CIT: variants seen among roughly 807,000 people sequenced by gnomAD.
CIT encodes citron rho-interacting serine/threonine kinase.
Under a neutral mutation model 272.7 loss-of-function variants are expected in CIT, and 79 were observed. The ratio of observed to expected loss-of-function variants is 0.29; its 90% CI spans 0.24 to 0.35. The LOEUF is 0.35. CIT is among the 10% of genes least tolerant of loss of function. CIT has a pLI of 1.00. For missense variants in CIT, 1,909 were observed against 2,618.3 expected, an observed-to-expected ratio of 0.73 and a Z score of 5.91; for synonymous variants, 948 against 995.6, an observed-to-expected ratio of 0.95 and a Z score of 0.90.
chr12:119,722,781 T>C (rs1338417986), intron 28 of CIT, among the ~76,000 whole-genome samples: 1 of 152,208 alleles, frequency 6.6e-6, no homozygotes, highest in East Asian at 1.9e-4. Context: ...TGAATGTTTA[T>C]CCTCTCCATC....
At chr12:119,798,368 G>C (rs527860091) in intron 10 of CIT, among the ~76,000 whole-genome samples, 1 of 152,284 alleles carries the variant, frequency 6.6e-6, no homozygotes, top group South Asian at 2.1e-4. Flanking sequence ...TCTCAGCTAA[G>C]CCACTCAAAG....
chr12:119,784,736 C>T lies in CIT; in HGVS notation c.1401+224G>A. 1 of 1,389,646 alleles carries T rather than the reference C, an allele frequency of 7.2e-7. No individual in the cohort carries two copies. Among genetic ancestry groups the T allele is most frequent in the Non-Finnish European group, 9.3e-7 (1 of 1,075,140 alleles). 86.1% of individuals were successfully genotyped at this position (1,389,646 alleles called of 1,614,324 possible). ...ATGCTGAGAAACGGACTGTTTAAATCCAGGGCCTCCTCTGGTTTAGATTTA... is the reference window on the plus strand; with the variant it reads ...ATGCTGAGAAACGGACTGTTTAAATTCAGGGCCTCCTCTGGTTTAGATTTA... On this transcript the variant is annotated intron_variant, in intron 11 of 47. Transcript: ENST00000392521. The surrounding 1 kb of genome is among the most constrained non-coding windows in gnomAD (Gnocchi z 4.7).
intron 10 of CIT, among the ~76,000 whole-genome samples, chr12:119,801,995 A>G (rs1450100045): frequency 6.6e-6 from 1 of 152,172 alleles, no homozygotes; most frequent in African/African-American, 2.4e-5. Context: ...CAAATGCCCA[A>G]TTCCCCACAA....
chr12:119,877,143 TC>T, intron 1 of CIT, 105 bp downstream of exon 1: 1 of 151,826 alleles, frequency 6.6e-6, no homozygotes, highest in Non-Finnish European at 1.5e-5. Context: ...ATCGCCGCCC[TC>T]CCCGGGGCGG....
chr12:119,809,495 A>T (rs992615667), intron 9 of CIT, among the ~76,000 whole-genome samples: 3 of 152,230 alleles, frequency 2.0e-5, no homozygotes, highest in African/African-American at 7.2e-5. Flanking sequence ...TGACTCCCAT[A>T]GTCCTTGTTA....
Position 119,770,704 on chromosome 12 carries a change from G to C in CIT, c.2208+81C>G. ...TGGAGATACCTCCCTTATTGTGGCGGTTAATTCTTCTTCTTACCCCCTTCC... is the reference window on the plus strand; with the variant it reads ...TGGAGATACCTCCCTTATTGTGGCGCTTAATTCTTCTTCTTACCCCCTTCC... On this transcript the variant is annotated intron_variant, in intron 18 of 47. Coordinates refer to ENST00000392521, the MANE Select transcript of CIT (RefSeq NM_001206999.2). This position sits in a 1 kb window ranked among gnomAD's most constrained non-coding sequence, Gnocchi z 4.4. The C allele has an allele frequency of 1.3e-6, 2 of 1,529,682 alleles. No homozygotes were observed. Among genetic ancestry groups the C allele is most frequent in the Admixed American group, 3.5e-5 (2 of 57,784 alleles). The allele number at this position is 1,529,682 out of a possible 1,614,324, so 94.8% of individuals were successfully genotyped here. A position where few individuals can be genotyped will look rare whatever the true frequency, so the allele number is the denominator to read the frequency against.
At chr12:119,714,695 A>T (rs1277685931) in intron 32 of CIT, among the ~76,000 whole-genome samples, 3 of 152,214 alleles carry the variant, frequency 2.0e-5, no homozygotes, top group Non-Finnish European at 4.4e-5. Flanking sequence ...GTTGATGAGG[A>T]TGTGGAGAAA....
intron 6 of CIT, among the ~76,000 whole-genome samples, chr12:119,833,287 GACTA>G (rs1395794047): frequency 1.3e-5 from 2 of 152,116 alleles, no homozygotes; most frequent in Non-Finnish European, 2.9e-5. Context: ...GTGATTCCTG[GACTA>G]ACAATCATTG....
rs1966499428 is a variant in CIT at position 119,804,822 on chromosome 12, G to C, written c.1112-1433C>G. Among the ~76,000 whole-genome samples the C allele has an allele frequency of 6.6e-6, 1 of 152,212 alleles. No individual in the cohort carries two copies. The highest frequency in any genetic ancestry group is 2.4e-5 in the African/African-American group (1 of 41,436). ...ACATTCCCAGAGCTTCAGGTACATT[G>C]AGATGAGGTGGGAGAGTGAGGAAGA... On this transcript the variant is annotated intron_variant, in intron 9 of 47. Coordinates refer to ENST00000392521, the MANE Select transcript of CIT (RefSeq NM_001206999.2). This position sits in a 1 kb window ranked among gnomAD's most constrained non-coding sequence, Gnocchi z 5.3.
At chr12:119,778,802 A>G (rs548193989) in intron 13 of CIT, among the ~76,000 whole-genome samples, 54 of 152,270 alleles carry the variant, frequency 3.5e-4, no homozygotes, top group African/African-American at 1.2e-3. Flanking sequence ...ACCCAAAAGC[A>G]TACTGTTATT....
intron 44 of CIT, among the ~76,000 whole-genome samples, chr12:119,698,911 T>C (rs1956387985): frequency 6.6e-6 from 1 of 152,218 alleles, no homozygotes; most frequent in South Asian, 2.1e-4. Flanking sequence ...TTTCATTGTA[T>C]ACCTTTTAAA....
chr12:119,727,104 T>C (rs1441817811), intron 28 of CIT, among the ~76,000 whole-genome samples: 2 of 152,192 alleles, frequency 1.3e-5, no homozygotes, highest in Non-Finnish European at 2.9e-5. Context: ...TTTAACTCAA[T>C]ATTCATTCAC....
At chr12:119,701,489 G>T in intron 43 of CIT, 135 bp downstream of exon 43, 1 of 960,266 alleles carries the variant, frequency 1.0e-6, no homozygotes, top group Non-Finnish European at 1.5e-6. Context: ...GGACTTGGTG[G>T]TGCTGGAAGG....
At chr12:119,701,019 T>C in intron 43 of CIT, 194 bp from the exon 44 acceptor site, 2 of 345,842 alleles carry the variant, frequency 5.8e-6, no homozygotes, top group Non-Finnish European at 1.0e-5. Flanking sequence ...AAATTTAATT[T>C]ATTTTAATTT....
intron 5 of CIT, among the ~76,000 whole-genome samples, chr12:119,836,284 TAAAAAAAAAAAAAAAAAAAA>T (rs201559880): frequency 2.4e-5 from 1 of 42,262 alleles, no homozygotes; most frequent in African/African-American, 1.0e-4. Context: ...AGACTCCATC[TAAAAAAAAAAAAAAAAAAAA>T]AAAAAAAAAA....
Position 119,713,917 on chromosome 12 carries a change from T to C in CIT, c.4307-269A>G. 1 of 605,326 alleles carries C rather than the reference T, an allele frequency of 1.7e-6. No individual in the cohort carries two copies. The highest frequency in any genetic ancestry group is 2.8e-5 in the East Asian group (1 of 36,028). The allele number at this position is 605,326 out of a possible 1,614,324, so 37.5% of individuals were successfully genotyped here. A position where few individuals can be genotyped will look rare whatever the true frequency, so the allele number is the denominator to read the frequency against. Reference sequence around the variant, plus strand: ...TAAAGAACACGTTTGCATGTTTCAGTTGGAGTCAGCGGAAAGGTAGGGAGA... The same window carrying C: ...TAAAGAACACGTTTGCATGTTTCAGCTGGAGTCAGCGGAAAGGTAGGGAGA... On this transcript the variant is annotated intron_variant, in intron 33 of 47. Transcript: ENST00000392521. This position sits in a 1 kb window ranked among gnomAD's most constrained non-coding sequence, Gnocchi z 5.2.
chr12:119,700,778 C>T lies in CIT; in HGVS notation c.5590G>A (p.Asp1864Asn), dbSNP rs368981957. The T allele has an allele frequency of 1.8e-5, 29 of 1,613,944 alleles. No homozygotes were observed. The highest frequency in any genetic ancestry group is 3.3e-5 in the Admixed American group (2 of 60,000). Residue 1864 changes from aspartate to asparagine, a missense_variant, in exon 44 of 48, where the codon GAT becomes AAT. Transcript: ENST00000392521. ...AAAGGTAAGCGACTCCACTTGAGAT[C>T]GTCTGTGCGGCTACGTCTTCCGTAA... ...DSYGRRSRTDDLKWSRLPLAF... is the reference protein window; with the variant it reads ...DSYGRRSRTDNLKWSRLPLAF...
chr12:119,774,596 T>A (rs546089708), intron 16 of CIT, among the ~76,000 whole-genome samples: 3 of 152,086 alleles, frequency 2.0e-5, no homozygotes, highest in Non-Finnish European at 2.9e-5. Context: ...ATACATCACA[T>A]TGCATACTAT....
chr12:119,800,735 G>A (rs976408030), intron 10 of CIT, among the ~76,000 whole-genome samples: 7 of 152,216 alleles, frequency 4.6e-5, no homozygotes, highest in Non-Finnish European at 7.3e-5. Context: ...ACACAGGGTC[G>A]CTGGCAGCAA....
Sources: allele counts gnomAD v4.1 joint callset (sites outside exome capture counted in the v4.1 genomes callset), GRCh38; gene constraint gnomAD v4.1.1; non-coding constraint Gnocchi (gnomAD v3.1); transcripts MANE v1.5; gene names NCBI Gene and HGNC (gene_info 2026-07-23, HGNC 2026-07-21).